SH3KBP1: variants seen among roughly 807,000 people sequenced by gnomAD.
The protein encoded by SH3KBP1 is SH3 domain-containing kinase-binding protein 1.
SH3KBP1 carries 8 observed loss-of-function variants against 50.1 expected under a neutral mutation model. The ratio of observed to expected loss-of-function variants is 0.16; its 90% CI spans 0.09 to 0.29. SH3KBP1 has a LOEUF of 0.29. SH3KBP1 is among the 10% of genes least tolerant of loss of function. The pLI is 1.00. For synonymous variants in SH3KBP1, 227 were observed against 218.6 expected, an observed-to-expected ratio of 1.04 and a Z score of -0.34; for missense variants, 377 against 535.2, an observed-to-expected ratio of 0.70 and a Z score of 2.92.
At chrX:19,700,882 A>G (rs377621089) in intron 4 of SH3KBP1, among the ~76,000 whole-genome samples, 1 of 112,316 alleles carries the variant, frequency 8.9e-6, no homozygotes, top group African/African-American at 3.2e-5. Context: ...CCATTCACAT[A>G]GGGAAGCTGA....
chrX:19,570,160 T>G (rs1461217709), intron 12 of SH3KBP1, among the ~76,000 whole-genome samples: 1 of 111,816 alleles, frequency 8.9e-6, no homozygotes, highest in Admixed American at 9.5e-5. Flanking sequence ...GTGTGCCTAC[T>G]CTGGAATGGC....
intron 7 of SH3KBP1, among the ~76,000 whole-genome samples, chrX:19,641,736 G>A (rs978141859): frequency 9.8e-5 from 11 of 112,178 alleles, no homozygotes; most frequent in Non-Finnish European, 1.7e-4. Flanking sequence ...ACATACTTTC[G>A]AAAGATGTTT....
intron 1 of SH3KBP1, among the ~76,000 whole-genome samples, chrX:19,874,068 A>AAAAAAAAAAAAAATATATATATATATAT (rs1491537486): frequency 1.8e-5 from 1 of 57,043 alleles, no homozygotes; most frequent in African/African-American, 1.6e-4. Context: ...AAAAAAAAAA[A>AAAAAAAAAAAAAATATATATATATATAT]ATATATATAT....
intron 6 of SH3KBP1, among the ~76,000 whole-genome samples, chrX:19,666,843 T>C (rs995840452): frequency 8.9e-6 from 1 of 111,977 alleles, no homozygotes; most frequent in Non-Finnish European, 1.9e-5. Context: ...ATTCTACTTC[T>C]GGAGATATAT....
In SH3KBP1 at chrX:19,832,279, C is replaced by A. The variant is rs150931056; in HGVS notation, c.162+3846G>T. Among the ~76,000 whole-genome samples, 42 of 111,755 alleles carry A rather than the reference C, an allele frequency of 3.8e-4. 1 individual carries two copies. In the East Asian group the frequency reaches 9.9e-3, roughly 26 times the overall value. ...CCAGAGGAGAGGACCCATTCCCTCA[C>A]CCAGTGACCAGCACTGTGGCACACT... On this transcript the variant is annotated intron_variant, in intron 2 of 17. Transcript: ENST00000397821.
chrX:19,650,400 AAGG>A (rs1733439243), intron 6 of SH3KBP1, among the ~76,000 whole-genome samples: 1 of 112,111 alleles, frequency 8.9e-6, no homozygotes, highest in African/African-American at 3.2e-5. Flanking sequence ...TGGCCACAGG[AAGG>A]AGAAGAAAGA....
In SH3KBP1 at chrX:19,643,496, C is replaced by G. The variant is rs149516448; in HGVS notation, c.802+1904G>C. Among the ~76,000 whole-genome samples, 666 of 107,232 alleles carry G rather than the reference C, an allele frequency of 6.2e-3. 8 individuals carry two copies. The highest frequency in any genetic ancestry group is 0.022 in the African/African-American group (641 of 29,290). 93.1% of individuals were successfully genotyped at this position (107,232 alleles called of 115,157 possible). On this transcript the variant is annotated intron_variant, in intron 7 of 17. Transcript: ENST00000397821. Reference sequence around the variant, plus strand: ...AAGTGATCCACTTGCCTCACTCAGCCTCCTAAAGTGCTAGGACGACAGCTG... The same window carrying G: ...AAGTGATCCACTTGCCTCACTCAGCGTCCTAAAGTGCTAGGACGACAGCTG...
chrX:19,568,485 T>C (rs1422020046), intron 13 of SH3KBP1, among the ~76,000 whole-genome samples: 1 of 112,314 alleles, frequency 8.9e-6, no homozygotes, highest in Non-Finnish European at 1.9e-5. Context: ...TCCCTGAATC[T>C]GGACTTCTTA....
chrX:19,657,451 C>T (rs1004437927), intron 6 of SH3KBP1, among the ~76,000 whole-genome samples: 13 of 108,932 alleles, frequency 1.2e-4, no homozygotes, highest in African/African-American at 1.7e-4. Flanking sequence ...GGAAATTGGC[C>T]GGGCATGGTG....
intron 1 of SH3KBP1, among the ~76,000 whole-genome samples, chrX:19,863,192 A>G (rs904776775): frequency 5.4e-5 from 6 of 110,940 alleles, no homozygotes; most frequent in Non-Finnish European, 9.4e-5. Context: ...AACAGACTGC[A>G]GTGTGCTCTC....
chrX:19,761,237 T>G (rs1451030537), intron 2 of SH3KBP1, among the ~76,000 whole-genome samples: 308 of 15,568 alleles, frequency 0.02, no homozygotes, highest in Middle Eastern at 0.053. Context: ...GAGAGGGAGA[T>G]GGTGGTGAGA....
At chrX:19,588,414 T>G (rs1334058527) in intron 12 of SH3KBP1, 1 of 1,129,854 alleles carries the variant, frequency 8.9e-7, no homozygotes, top group African/African-American at 1.8e-5. Flanking sequence ...CCAGTCCTCA[T>G]GAAACCCACA....
At chrX:19,668,974 A>ATATATATATATATATATATT (rs1491195501) in intron 6 of SH3KBP1, among the ~76,000 whole-genome samples, 3 of 63,872 alleles carry the variant, frequency 4.7e-5, no homozygotes, top group Non-Finnish European at 8.9e-5. Flanking sequence ...ATATATATAT[A>ATATATATATATATATATATT]TTTTTTGAGA....
chrX:19,602,877 G>A (rs2067132382), intron 9 of SH3KBP1, among the ~76,000 whole-genome samples: 2 of 111,941 alleles, frequency 1.8e-5, no homozygotes, highest in Non-Finnish European at 3.8e-5. Context: ...TATAGGGAAG[G>A]TAGAGTTAAA....
intron 9 of SH3KBP1, among the ~76,000 whole-genome samples, chrX:19,602,089 A>C (rs2067108728): frequency 9.0e-6 from 1 of 110,552 alleles, no homozygotes; most frequent in Admixed American, 9.7e-5. Flanking sequence ...CCCACCCTGA[A>C]AGTGATGCCT....
chrX:19,625,531 T>C (rs1234727395), intron 8 of SH3KBP1, among the ~76,000 whole-genome samples: 2 of 111,533 alleles, frequency 1.8e-5, no homozygotes, highest in East Asian at 5.6e-4. Flanking sequence ...CATTTCACTC[T>C]TTTAGAGGTG....
intron 2 of SH3KBP1, among the ~76,000 whole-genome samples, chrX:19,780,188 G>A (rs2066125119): frequency 9.2e-6 from 1 of 108,872 alleles, no homozygotes; most frequent in Non-Finnish European, 1.9e-5. Context: ...TTCTCTGATG[G>A]CCAGTAATGA....
At chrX:19,614,532 G>A (rs957507003) in intron 8 of SH3KBP1, among the ~76,000 whole-genome samples, 5 of 111,823 alleles carry the variant, frequency 4.5e-5, no homozygotes, top group African/African-American at 6.5e-5. Context: ...AGAAAATGCC[G>A]ATGTCTGGGC....
intron 1 of SH3KBP1, among the ~76,000 whole-genome samples, chrX:19,878,497 TGTGTGTGTGAGAGAGAGAGA>T (rs1294851355): frequency 7.3e-5 from 6 of 82,301 alleles, no homozygotes; most frequent in Non-Finnish European, 1.1e-4. Context: ...TGTGTGTGTG[TGTGTGTGTGAGAGAGAGAGA>T]GAGAGAGAGA....
Sources: allele counts gnomAD v4.1 joint callset (sites outside exome capture counted in the v4.1 genomes callset), GRCh38; gene constraint gnomAD v4.1.1; transcripts MANE v1.5; gene names NCBI Gene and HGNC (gene_info 2026-07-23, HGNC 2026-07-21).